DLX4: variants seen among roughly 807,000 people sequenced by gnomAD.
DLX4 encodes the protein distal-less homeobox 4, also known as homeobox protein DLX-4.
DLX4 carries 13 observed loss-of-function variants against 17.1 expected under a neutral mutation model. The observed-to-expected ratio is 0.76, with a 90% CI of 0.49 to 1.21. The LOEUF is 1.21. DLX4 is among the 50% of genes most tolerant of loss of function. DLX4 has a pLI of 0.00. For missense variants in DLX4, 297 were observed against 301.4 expected (o/e 0.99, Z 0.11); for synonymous variants, 129 against 140.3 (o/e 0.92, Z 0.57).
intron 1 of DLX4, among the ~76,000 whole-genome samples, chr17:49,971,436 A>AC (rs1264391917): frequency 1.3e-5 from 2 of 151,728 alleles, no homozygotes; most frequent in Non-Finnish European, 2.9e-5. Context: ...CGGTGCCACC[A>AC]CCCCGTTGAG....
Position 49,972,962 on chromosome 17 carries a change from GCTAT to G in DLX4, c.284-110_284-107del. 1 of 1,529,336 alleles carries G rather than the reference GCTAT, an allele frequency of 6.5e-7. No individual in the cohort carries two copies. The highest frequency in any genetic ancestry group is 8.8e-7 in the Non-Finnish European group (1 of 1,135,340). 94.7% of individuals were successfully genotyped at this position (1,529,336 alleles called of 1,614,324 possible). On this transcript the variant is annotated intron_variant, in intron 1 of 2. Transcript: ENST00000240306. This position sits in a 1 kb window ranked among gnomAD's most constrained non-coding sequence, Gnocchi z 5.4. ...GGCGATCCTGGTGGCTGCGCTTTTT[GCTAT>G]TTGCTGCCGACGGCATGCAGACGAG...
Position 49,972,657 on chromosome 17 carries a change from T to A in DLX4, c.284-416T>A, listed in dbSNP as rs146182061. ...CATTGCTCTGAGCCTCTGCCTGCAA[T>A]GTCCTTCCTCTGTCATCTCTAGGCC... On this transcript the variant is annotated intron_variant, in intron 1 of 2. Transcript: ENST00000240306. This position sits in a 1 kb window ranked among gnomAD's most constrained non-coding sequence, Gnocchi z 5.4. 1.4e-3 allele frequency: 1,437 copies of A among 1,007,552 alleles called. 7 individuals carry two copies. In the African/African-American group the frequency reaches 0.019, roughly 13 times the overall value. The allele number at this position is 1,007,552 out of a possible 1,614,324, so 62.4% of individuals were successfully genotyped here.
rs760963288 is a variant in DLX4 at position 49,973,160 on chromosome 17, A to G, written c.371A>G (p.Tyr124Cys). Reference protein sequence around the residue: ...AKKLRKPRTIYSSLQLQHLNQ... With the variant: ...AKKLRKPRTICSSLQLQHLNQ... Reference sequence around the variant, plus strand: ...AAGCTCCGCAAGCCGAGGACCATCTACTCCAGCCTGCAGCTGCAGCACCTA... The same window carrying G: ...AAGCTCCGCAAGCCGAGGACCATCTGCTCCAGCCTGCAGCTGCAGCACCTA... Residue 124 changes from tyrosine to cysteine, a missense_variant, in exon 2 of 3, where the codon TAC (tyrosine) becomes TGC (cysteine). Coordinates refer to ENST00000240306, the MANE Select transcript of DLX4 (RefSeq NM_138281.3). 2.5e-6 allele frequency: 4 copies of G among 1,613,434 alleles called. No individual in the cohort carries two copies. The highest frequency in any genetic ancestry group is 2.2e-5 in the East Asian group (1 of 44,840).
At chr17:49,973,364 GC>G in intron 2 of DLX4, 95 bp downstream of exon 2, 3 of 1,496,186 alleles carry the variant, frequency 2.0e-6, no homozygotes, top group Non-Finnish European at 2.7e-6. Context: ...ATGGATTGGT[GC>G]TGTGGCCCTG....
At chr17:49,969,917 G>A (rs943963215) in intron 1 of DLX4, among the ~76,000 whole-genome samples, 166 bp downstream of exon 1, 1 of 151,300 alleles carries the variant, frequency 6.6e-6, no homozygotes, top group African/African-American at 2.4e-5. Flanking sequence ...GGGAGACACG[G>A]GGGGAGGGGC....
rs1304731536 is a variant in DLX4 at position 49,972,028 on chromosome 17, C to G, written c.284-1045C>G. On this transcript the variant is annotated intron_variant, in intron 1 of 2. Coordinates refer to ENST00000240306, the MANE Select transcript of DLX4 (RefSeq NM_138281.3). The surrounding 1 kb of genome is among the most constrained non-coding windows in gnomAD (Gnocchi z 5.4). ...CCGCAGGGAATGCGGCGAACGCTGC[C>G]CTAAGCGCCCGGGCATTGCGGCTGC... 6.6e-6 allele frequency: 1 copy of G among 152,214 alleles called. No homozygotes were observed. Among genetic ancestry groups the G allele is most frequent in the East Asian group, 1.9e-4 (1 of 5,176 alleles). The allele number at this position is 152,214 out of a possible 1,614,324, so 9.4% of individuals were successfully genotyped here. A position where few individuals can be genotyped will look rare whatever the true frequency, so the allele number is the denominator to read the frequency against.
intron 1 of DLX4, 24 bp downstream of exon 1, chr17:49,969,775 TC>T: frequency 1.3e-6 from 2 of 1,561,100 alleles, no homozygotes; most frequent in Non-Finnish European, 1.7e-6. Context: ...TGGAGGCTCT[TC>T]CCACCTCTGG....
rs1035702966 is a variant in DLX4, at chr17:49,973,252, G to A, written c.463G>A (p.Gly155Ser). 3.1e-6 allele frequency: 5 copies of A among 1,613,892 alleles called. No individual in the cohort carries two copies. In the Admixed American group the frequency reaches 6.7e-5, roughly 22 times the overall value. ...PERAQLAAQL[G>S]LTQTQVKIWF... ...GAGGGCCCAGCTGGCAGCGCAGCTC[G>A]GCCTCACCCAGACCCAGGTGGGGCC... The change falls in exon 2 of 3, where the codon GGC becomes AGC. Residue 155 changes from glycine (G) to serine (S), a missense_variant. By Grantham distance (56) the Gly-to-Ser change is moderately conservative. Transcript: ENST00000240306.
rs1026240119 is a variant in DLX4, at chr17:49,974,389, C to A, written c.*446C>A. On this transcript the variant is annotated 3_prime_UTR_variant, in exon 3 of 3. Coordinates refer to ENST00000240306, the MANE Select transcript of DLX4 (RefSeq NM_138281.3). ...TTGAGTATTTTTTTTTCTTTGTATGCCTTTGGCCTTGCACAACCCATTTGT... is the reference window on the plus strand; with the variant it reads ...TTGAGTATTTTTTTTTCTTTGTATGACTTTGGCCTTGCACAACCCATTTGT... 5 of 153,096 alleles carry A rather than the reference C, an allele frequency of 3.3e-5. No homozygotes were observed. Among genetic ancestry groups the A allele is most frequent in the Admixed American group, 6.5e-5 (1 of 15,272 alleles). The allele number at this position is 153,096 out of a possible 1,614,324, so 9.5% of individuals were successfully genotyped here.
chr17:49,969,687 GCA>G lies in DLX4; in HGVS notation c.220_221del (p.Gln74ThrfsTer99). On this transcript the variant is annotated frameshift_variant, in exon 1 of 3. Transcript: ENST00000240306. LOFTEE classifies it high-confidence loss of function. ...CCGGAGACTCCTACCTGTCCTGCCA[GCA>G]ACCCGCGGCGCTCTCTCAGCCCCTC... ...NPGDSYLSCQ[Q>X]PAALSQPLCG... 6.2e-7 allele frequency: 1 copy of G among 1,604,670 alleles called. No homozygotes were observed. The highest frequency in any genetic ancestry group is 8.5e-7 in the Non-Finnish European group (1 of 1,179,752).
Position 49,972,679 on chromosome 17 carries a change from G to C in DLX4, c.284-394G>C. 3 of 1,170,906 alleles carry C rather than the reference G, an allele frequency of 2.6e-6. No homozygotes were observed. Among genetic ancestry groups the C allele is most frequent in the Non-Finnish European group, 3.2e-6 (3 of 933,488 alleles). The allele number at this position is 1,170,906 out of a possible 1,614,324, so 72.5% of individuals were successfully genotyped here. On this transcript the variant is annotated intron_variant, in intron 1 of 2. Transcript: ENST00000240306. The surrounding 1 kb of genome is among the most constrained non-coding windows in gnomAD (Gnocchi z 5.4). ...CAATGTCCTTCCTCTGTCATCTCTA[G>C]GCCTCGGCTCAGCCCTGGACCTAGC...
Position 49,974,012 on chromosome 17 carries a change from C to CAGCCCAGGACCCAGGCAGT in DLX4, c.*69_*70insAGCCCAGGACCCAGGCAGT. ...CCAGGACCCAGGCAGTCCACCTGCA[C>CAGCCCAGGACCCAGGCAGT]CCCTTCTGGGCTGGGAGGAAACCAG... On this transcript the variant is annotated 3_prime_UTR_variant, in exon 3 of 3. Transcript: ENST00000240306. 7 of 1,495,544 alleles carry CAGCCCAGGACCCAGGCAGT rather than the reference C, an allele frequency of 4.7e-6. No individual in the cohort carries two copies. Among genetic ancestry groups the CAGCCCAGGACCCAGGCAGT allele is most frequent in the Middle Eastern group, 2.1e-4 (1 of 4,834 alleles). 92.6% of individuals were successfully genotyped at this position (1,495,544 alleles called of 1,614,324 possible). A position where few individuals can be genotyped will look rare whatever the true frequency, so the allele number is the denominator to read the frequency against.
At chr17:49,969,785 G>A in intron 1 of DLX4, 34 bp downstream of exon 1, 3 of 1,533,998 alleles carry the variant, frequency 2.0e-6, no homozygotes, top group African/African-American at 1.4e-5. Flanking sequence ...TCCCACCTCT[G>A]GGGTTCGGCT....
At chr17:49,971,373 A>G (rs1905497615) in intron 1 of DLX4, among the ~76,000 whole-genome samples, 1 of 151,960 alleles carries the variant, frequency 6.6e-6, no homozygotes, top group East Asian at 1.9e-4. Context: ...TCCTCCTTTT[A>G]CTTCCACTCT....
At position 49,974,120 on chromosome 17, in the gene DLX4, C is replaced by G. The variant is rs1905632546; in HGVS notation, c.*177C>G. The G allele has an allele frequency of 1.3e-6, 1 of 745,890 alleles. No homozygotes were observed. Among genetic ancestry groups the G allele is most frequent in the Admixed American group, 4.0e-5 (1 of 25,226 alleles). 46.2% of individuals were successfully genotyped at this position (745,890 alleles called of 1,614,324 possible). On this transcript the variant is annotated 3_prime_UTR_variant, in exon 3 of 3. Transcript: ENST00000240306. Reference sequence around the variant, plus strand: ...GAGCCTGTACCCCTAACCCTAACAGCTAAATCAAGGACCTCAGCCTTATAT... The same window carrying G: ...GAGCCTGTACCCCTAACCCTAACAGGTAAATCAAGGACCTCAGCCTTATAT...
Position 49,969,357 on chromosome 17 carries a change from C to A in DLX4, c.-112C>A, listed in dbSNP as rs1905415460. The A allele has an allele frequency of 2.4e-6, 3 of 1,244,056 alleles. No individual in the cohort carries two copies. Among genetic ancestry groups the A allele is most frequent in the South Asian group, 1.5e-5 (1 of 65,460 alleles). 77.1% of individuals were successfully genotyped at this position (1,244,056 alleles called of 1,614,324 possible). ...TTCTCCGGGATCTTAAGTGTGGGGG[C>A]TGCTGGCTGGGGGGCCCGTCCGGCC... is the stretch of plus-strand genomic sequence containing the variant. On this transcript the variant is annotated 5_prime_UTR_variant, in exon 1 of 3. It adds an upstream start codon to the 5' untranslated region. Transcript: ENST00000240306.
chr17:49,973,960 GT>G lies in DLX4; in HGVS notation c.*18del. On this transcript the variant is annotated 3_prime_UTR_variant, in exon 3 of 3. Coordinates refer to ENST00000240306, the MANE Select transcript of DLX4 (RefSeq NM_138281.3). ...ATGATGTGAATCTGGGGAAGGGCGGGTCAGGCCCACAGCCTTCCTGCAAAGC... is the reference window on the plus strand; with the variant it reads ...ATGATGTGAATCTGGGGAAGGGCGGGCAGGCCCACAGCCTTCCTGCAAAGC... 6.3e-7 allele frequency: 1 copy of G among 1,588,050 alleles called. No individual in the cohort carries two copies. Among genetic ancestry groups the G allele is most frequent in the Non-Finnish European group, 8.6e-7 (1 of 1,169,212 alleles).
At chr17:49,971,288 T>C (rs1567906926) in intron 1 of DLX4, among the ~76,000 whole-genome samples, 1 of 152,184 alleles carries the variant, frequency 6.6e-6, no homozygotes, top group Non-Finnish European at 1.5e-5. Context: ...TTAGAATACA[T>C]TTCTAGCATT....
rs775064973 is a variant in DLX4, at chr17:49,973,047, C to G, written c.284-26C>G. On this transcript the variant is annotated intron_variant, in intron 1 of 2. Transcript: ENST00000240306. ...TACCCCCTCGCTCCCTCCTCGCCCCCTACACCGTGTTGTGCTGCCCACCAG... is the reference window on the plus strand; with the variant it reads ...TACCCCCTCGCTCCCTCCTCGCCCCGTACACCGTGTTGTGCTGCCCACCAG... The G allele has an allele frequency of 1.2e-5, 19 of 1,613,420 alleles. No homozygotes were observed. In the South Asian group the frequency reaches 2.0e-4, roughly 17 times the overall value.
Sources: gnomAD v4.1 joint callset for allele counts (sites outside exome capture counted in the v4.1 genomes callset) on GRCh38, gnomAD v4.1.1 for gene constraint, Gnocchi (gnomAD v3.1) non-coding constraint, MANE v1.5 for transcripts, NCBI Gene and HGNC (gene_info 2026-07-23, HGNC 2026-07-21) for gene names.